GPR39: variants seen among roughly 807,000 people sequenced by gnomAD.
GPR39 encodes zinc sensing receptor.
A neutral mutation model predicts 18.4 loss-of-function variants in GPR39; 23 were observed. That is an observed-to-expected ratio of 1.25 (90% CI 0.90 to 1.77). GPR39 has a LOEUF of 1.77. Among genes scored for constraint, GPR39 ranks in the 40% most tolerant of loss-of-function variants. GPR39 has a pLI of 0.00. For missense variants in GPR39, 647 were observed against 602.4 expected (o/e 1.07, Z -0.78); for synonymous variants, 280 against 257.9 (o/e 1.09, Z -0.82).
intron 1 of GPR39, among the ~76,000 whole-genome samples, chr2:132,435,694 T>A (rs1046182364): frequency 6.6e-6 from 1 of 152,180 alleles, no homozygotes; most frequent in Non-Finnish European, 1.5e-5. Context: ...AGAACTTGGT[T>A]CTAGTCATTG....
At chr2:132,557,000 A>G (rs1215181274) in intron 1 of GPR39, among the ~76,000 whole-genome samples, 1 of 152,162 alleles carries the variant, frequency 6.6e-6, no homozygotes, top group Non-Finnish European at 1.5e-5. Flanking sequence ...AGGGCTGTTT[A>G]TCACATTGAA....
At chr2:132,519,340 T>C (rs1679385154) in intron 1 of GPR39, among the ~76,000 whole-genome samples, 1 of 152,218 alleles carries the variant, frequency 6.6e-6, no homozygotes, top group Non-Finnish European at 1.5e-5. Flanking sequence ...GAAGCCTGAC[T>C]TCCCACTAGT....
At position 132,457,545 on chromosome 2, in the gene GPR39, A is replaced by C. The variant is rs10460262; in HGVS notation, c.856+39647A>C. Among the ~76,000 whole-genome samples, 47 of 152,274 alleles carry C rather than the reference A, an allele frequency of 3.1e-4. No individual in the cohort carries two copies. The East Asian group carries it at 8.9e-3, about 29-fold the overall frequency. ...TTGCTGTCCATATGTGGTGTCAGTCAGCCCCTACTGGGAGGTGTCTCCCAG... is the reference window on the plus strand; with the variant it reads ...TTGCTGTCCATATGTGGTGTCAGTCCGCCCCTACTGGGAGGTGTCTCCCAG... On this transcript the variant is annotated intron_variant, in intron 1 of 1. Transcript: ENST00000329321.
At chr2:132,526,831 G>A (rs575029105) in intron 1 of GPR39, among the ~76,000 whole-genome samples, 2 of 152,300 alleles carry the variant, frequency 1.3e-5, no homozygotes, top group East Asian at 1.9e-4. Flanking sequence ...TTGCACTTTA[G>A]CAAATGTACT....
chr2:132,499,139 A>G (rs991188050), intron 1 of GPR39, among the ~76,000 whole-genome samples: 6 of 152,292 alleles, frequency 3.9e-5, no homozygotes, highest in African/African-American at 7.2e-5. Flanking sequence ...GCCTAAGCCA[A>G]TGTCTAGAAG....
chr2:132,541,142 G>T (rs1203928901), intron 1 of GPR39, among the ~76,000 whole-genome samples: 3 of 152,048 alleles, frequency 2.0e-5, no homozygotes, highest in Non-Finnish European at 4.4e-5. Flanking sequence ...GGAGTGCAGT[G>T]GCACAATCTC....
At chr2:132,440,853 TGC>T (rs1680425029) in intron 1 of GPR39, among the ~76,000 whole-genome samples, 1 of 152,224 alleles carries the variant, frequency 6.6e-6, no homozygotes, top group Non-Finnish European at 1.5e-5. Flanking sequence ...GAGGCACATG[TGC>T]CCTTGCAGGG....
rs185048995 is a variant in GPR39, at chr2:132,423,189, C to T, written c.856+5291C>T. 2.6e-4 allele frequency among the ~76,000 whole-genome samples: 40 copies of T among 152,026 alleles called. No homozygotes were observed. In the East Asian group the frequency reaches 2.7e-3, roughly 10 times the overall value. ...ACTGACTCTCCACCTCTACTCTTGGCTATTTACTGAGGACTGGAGACATGA... is the reference window on the plus strand; with the variant it reads ...ACTGACTCTCCACCTCTACTCTTGGTTATTTACTGAGGACTGGAGACATGA... On this transcript the variant is annotated intron_variant, in intron 1 of 1. Transcript: ENST00000329321.
intron 1 of GPR39, among the ~76,000 whole-genome samples, chr2:132,545,090 GTCTT>G (rs1041075714): frequency 2.6e-5 from 4 of 152,200 alleles, no homozygotes; most frequent in Non-Finnish European, 4.4e-5. Context: ...GTTTTAAACT[GTCTT>G]TGGCTTGAAA....
At chr2:132,492,700 A>G (rs543174898) in intron 1 of GPR39, among the ~76,000 whole-genome samples, 69 of 142,476 alleles carry the variant, frequency 4.8e-4, no homozygotes, top group African/African-American at 1.7e-3. Context: ...CCATATATAT[A>G]TAATATATAT....
intron 1 of GPR39, among the ~76,000 whole-genome samples, chr2:132,460,980 G>T (rs561281898): frequency 6.6e-6 from 1 of 152,262 alleles, no homozygotes; most frequent in South Asian, 2.1e-4. Flanking sequence ...CAAGGGAGTG[G>T]ACTGAGAAGG....
intron 1 of GPR39, among the ~76,000 whole-genome samples, chr2:132,571,991 G>A (rs575482627): frequency 1.4e-4 from 22 of 152,280 alleles, no homozygotes; most frequent in East Asian, 1.9e-4. Flanking sequence ...CTACAAAAGC[G>A]CGTGAAGTGT....
At chr2:132,594,402 T>A (rs985199243) in intron 1 of GPR39, among the ~76,000 whole-genome samples, 1 of 152,084 alleles carries the variant, frequency 6.6e-6, no homozygotes, top group Non-Finnish European at 1.5e-5. Flanking sequence ...CCTCAATAGA[T>A]AGTAAAATTT....
At chr2:132,471,539 C>G (rs983642738) in intron 1 of GPR39, among the ~76,000 whole-genome samples, 2 of 152,142 alleles carry the variant, frequency 1.3e-5, no homozygotes, top group African/African-American at 4.8e-5. Context: ...CTACTTCCAT[C>G]ACTTGGTTCC....
chr2:132,454,801 C>T (rs7576751), intron 1 of GPR39, among the ~76,000 whole-genome samples: 2,318 of 152,012 alleles, frequency 0.015, 54 homozygotes, highest in East Asian at 0.074. Context: ...TTGCATGTGT[C>T]GAACCAGCCT....
intron 1 of GPR39, among the ~76,000 whole-genome samples, chr2:132,432,545 T>C (rs1680241984): frequency 6.6e-6 from 1 of 152,182 alleles, no homozygotes; most frequent in Admixed American, 6.5e-5. Context: ...TGCAGGATCA[T>C]CTCTCTACCT....
intron 1 of GPR39, among the ~76,000 whole-genome samples, chr2:132,584,559 C>T (rs1680688985): frequency 6.6e-6 from 1 of 151,940 alleles, no homozygotes; most frequent in African/African-American, 2.4e-5. Context: ...CTTTCTGTAC[C>T]CACCCTGAGT....
chr2:132,556,760 G>A (rs914075515), intron 1 of GPR39, among the ~76,000 whole-genome samples: 3 of 152,072 alleles, frequency 2.0e-5, no homozygotes, highest in African/African-American at 7.2e-5. Context: ...TCTACTGACC[G>A]CTCCAGGCCT....
intron 1 of GPR39, among the ~76,000 whole-genome samples, chr2:132,512,556 C>T (rs548330113): frequency 6.6e-6 from 1 of 152,302 alleles, no homozygotes; most frequent in South Asian, 2.1e-4. Context: ...TTGGAATCCT[C>T]CCTCTACTCT....
Sources: gnomAD v4.1 joint callset for allele counts (sites outside exome capture counted in the v4.1 genomes callset) on GRCh38, gnomAD v4.1.1 for gene constraint, MANE v1.5 for transcripts, NCBI Gene and HGNC (gene_info 2026-07-23, HGNC 2026-07-21) for gene names.